DYM: variants seen among roughly 807,000 people sequenced by gnomAD.
DYM encodes the protein dyggve-Melchior-Clausen syndrome protein.
A neutral mutation model predicts 93.1 loss-of-function variants in DYM; 78 were observed. The observed-to-expected ratio is 0.84, with a 90% CI of 0.70 to 1.01. The LOEUF (loss-of-function observed/expected upper bound fraction) is 1.01. DYM is among the 50% of genes least tolerant of loss of function. The probability of loss-of-function intolerance (pLI) is 0.00; values close to 1 mark genes in which losing one functional copy is unlikely to be tolerated. For synonymous variants in DYM, 321 were observed against 319.7 expected (o/e 1.00, Z -0.04); for missense variants, 789 against 845.0 (o/e 0.93, Z 0.82).
intron 6 of DYM, among the ~76,000 whole-genome samples, chr18:49,362,332 T>C (rs1477620465): frequency 6.6e-6 from 1 of 152,184 alleles, no homozygotes. Flanking sequence ...GCCCTGTCTC[T>C]ACTTTAAATT....
chr18:49,218,757 T>C (rs1205459987), intron 13 of DYM, among the ~76,000 whole-genome samples: 1 of 152,116 alleles, frequency 6.6e-6, no homozygotes, highest in Non-Finnish European at 1.5e-5. Flanking sequence ...TTCAAAGCAG[T>C]GTGTAGAGGG....
intron 17 of DYM, among the ~76,000 whole-genome samples, chr18:49,096,587 A>G (rs2079564110): frequency 6.6e-6 from 1 of 152,252 alleles, no homozygotes; most frequent in Admixed American, 6.5e-5. Context: ...TAAAAAGAAC[A>G]GTAAAGTAAA....
At position 49,233,277 on chromosome 18, in the gene DYM, G is replaced by A. The variant is rs368307177; in HGVS notation, c.1461-23562C>T. Among the ~76,000 whole-genome samples, 46 of 151,296 alleles carry A rather than the reference G, an allele frequency of 3.0e-4. 1 individual carries two copies. The South Asian group carries it at 8.8e-3, about 29-fold the overall frequency. ...GGGAGGCTGAGGCAGGAGAATTGCT[G>A]GAACCCAGGAGGGAGAGGCTTCAGT... On this transcript the variant is annotated intron_variant, in intron 13 of 17. Transcript: ENST00000675505.
At chr18:49,289,742 T>C (rs568008700) in intron 8 of DYM, among the ~76,000 whole-genome samples, 9 of 20,960 alleles carry the variant, frequency 4.3e-4, no homozygotes, top group Admixed American at 1.0e-3. Context: ...TATATATATA[T>C]ATATATATAT....
chr18:49,200,109 C>T (rs1483692049), intron 14 of DYM, among the ~76,000 whole-genome samples: 1 of 151,796 alleles, frequency 6.6e-6, no homozygotes, highest in Non-Finnish European at 1.5e-5. Flanking sequence ...AGTTCTTTGC[C>T]AATTAATAAA....
At chr18:49,368,442 A>G (rs908912675) in intron 5 of DYM, among the ~76,000 whole-genome samples, 1 of 152,218 alleles carries the variant, frequency 6.6e-6, no homozygotes, top group African/African-American at 2.4e-5. Context: ...TTTTAAAGGA[A>G]TAAGTCCATG....
At chr18:49,251,145 G>T (rs1352220179) in intron 13 of DYM, among the ~76,000 whole-genome samples, 1 of 152,232 alleles carries the variant, frequency 6.6e-6, no homozygotes, top group East Asian at 1.9e-4. Context: ...GCACAGGTCA[G>T]ATTTTTAACC....
At chr18:49,203,779 A>G (rs1338282877) in intron 14 of DYM, among the ~76,000 whole-genome samples, 3 of 134,452 alleles carry the variant, frequency 2.2e-5, no homozygotes, top group Admixed American at 7.8e-5. Flanking sequence ...TTATCTGCTG[A>G]CCTTCCCTCC....
chr18:49,274,313 T>C (rs1032069085), intron 10 of DYM, among the ~76,000 whole-genome samples: 1 of 152,178 alleles, frequency 6.6e-6, no homozygotes, highest in East Asian at 1.9e-4. Flanking sequence ...TGCTGCAGTA[T>C]GTATCAGGAT....
intron 2 of DYM, among the ~76,000 whole-genome samples, chr18:49,418,271 A>AT (rs1485111701): frequency 2.6e-5 from 4 of 152,150 alleles, no homozygotes; most frequent in African/African-American, 9.7e-5. Flanking sequence ...AAAAAATAAT[A>AT]AGTACAGGTC....
chr18:49,074,024 C>T (rs79584441), intron 17 of DYM, among the ~76,000 whole-genome samples: 2,112 of 152,194 alleles, frequency 0.014, 50 homozygotes, highest in African/African-American at 0.048. Context: ...TAAAACTATC[C>T]GAGTTGTGAT....
chr18:49,128,113 T>A (rs1368539970), intron 15 of DYM, among the ~76,000 whole-genome samples: 1 of 152,172 alleles, frequency 6.6e-6, no homozygotes, highest in Non-Finnish European at 1.5e-5. Context: ...TAAAGCCACG[T>A]TTTTCCACAT....
chr18:49,199,038 C>A (rs1018184312), intron 14 of DYM, among the ~76,000 whole-genome samples: 11 of 152,316 alleles, frequency 7.2e-5, no homozygotes, highest in African/African-American at 2.4e-4. Context: ...CCATGGAATA[C>A]TATGTGGCCA....
At chr18:49,379,896 A>G in intron 3 of DYM, 138 bp from the exon 4 acceptor site, 1 of 690,908 alleles carries the variant, frequency 1.4e-6, no homozygotes, top group Non-Finnish European at 2.6e-6. Flanking sequence ...ATACCTAATT[A>G]GAGAACTAAG....
At chr18:49,119,000 A>G in intron 15 of DYM, 74 bp from the exon 16 acceptor site, 1 of 1,251,852 alleles carries the variant, frequency 8.0e-7, no homozygotes, top group Non-Finnish European at 1.2e-6. Flanking sequence ...AAATAAGAGT[A>G]ATTCCCTCAA....
At chr18:49,165,444 T>G (rs1459766560) in intron 14 of DYM, among the ~76,000 whole-genome samples, 3 of 152,144 alleles carry the variant, frequency 2.0e-5, no homozygotes, top group Non-Finnish European at 4.4e-5. Flanking sequence ...TTCACTGTAG[T>G]ATTTAGTAAT....
chr18:49,332,440 C>G (rs544271636), intron 7 of DYM, among the ~76,000 whole-genome samples: 1 of 152,008 alleles, frequency 6.6e-6, no homozygotes, highest in South Asian at 2.1e-4. Flanking sequence ...TATCTACATT[C>G]GGTATAACAC....
At chr18:49,208,807 T>C (rs2092646220) in intron 14 of DYM, 1 of 151,710 alleles carries the variant, frequency 6.6e-6, no homozygotes. Context: ...AAGTCATCTC[T>C]TACTTAGAAA....
intron 1 of DYM, among the ~76,000 whole-genome samples, chr18:49,459,606 C>G (rs1177692162): frequency 1.3e-5 from 2 of 152,060 alleles, no homozygotes; most frequent in East Asian, 3.9e-4. Context: ...TCCAACTTCC[C>G]CTCTCCTCTT....
Sources: gnomAD v4.1 joint callset for allele counts (sites outside exome capture counted in the v4.1 genomes callset) on GRCh38, gnomAD v4.1.1 for gene constraint, MANE v1.5 for transcripts, NCBI Gene and HGNC (gene_info 2026-07-23, HGNC 2026-07-21) for gene names.